Variants in PLCL2 observed in about 807,000 individuals in gnomAD.
The protein encoded by PLCL2 is phospholipase C like 2, also known as inactive phospholipase C-like protein 2.
In PLCL2, 4 loss-of-function variants were observed where a neutral mutation model predicts 79.6. The observed-to-expected ratio is 0.05, with a 90% CI of 0.02 to 0.11. The LOEUF is 0.11. Ranked by LOEUF, PLCL2 falls within the 10% of genes least tolerant of loss-of-function variation. PLCL2 has a pLI of 1.00. For synonymous variants in PLCL2, 484 were observed against 457.7 expected (o/e 1.06, Z -0.73); for missense variants, 895 against 1,291.0 (o/e 0.69, Z 4.70).
intron 5 of PLCL2, among the ~76,000 whole-genome samples, chr3:17,073,498 G>T (rs1278915803): frequency 6.6e-6 from 1 of 152,170 alleles, no homozygotes; most frequent in Non-Finnish European, 1.5e-5. Flanking sequence ...GTTGCTGAAG[G>T]CTGGGGTGGC....
rs771458168 is a variant in PLCL2 at position 17,014,871 on chromosome 3, T to C, written c.2978T>C (p.Val993Ala). Residue 993 changes from valine (V) to alanine (A), a missense_variant, in exon 3 of 6, where the codon GTG becomes GCG. This residue lies in a region of PLCL2 where 298 missense variants were observed against 459.6 expected (regional missense o/e 0.65). Transcript: ENST00000615277. The stretch of plus-strand genomic sequence containing the variant: ...CCCACAATGGAGCTGCAGGGAATTG[T>C]GCCGGAGGTTCTGAAGAAGATCGTA... ...QYPTMELQGI[V>A]PEVLKKIVTT... 3 of 1,614,160 alleles carry C rather than the reference T, an allele frequency of 1.9e-6. No individual in the cohort carries two copies. In the South Asian group the frequency reaches 3.3e-5, roughly 18 times the overall value.
chr3:16,960,505 C>G (rs574201445), intron 1 of PLCL2, among the ~76,000 whole-genome samples: 1 of 152,194 alleles, frequency 6.6e-6, no homozygotes, highest in Non-Finnish European at 1.5e-5. Flanking sequence ...TTTGTCCCTC[C>G]CTCTGTCTCC....
intron 1 of PLCL2, among the ~76,000 whole-genome samples, chr3:16,975,375 T>C (rs2063914933): frequency 6.6e-6 from 1 of 152,210 alleles, no homozygotes; most frequent in Non-Finnish European, 1.5e-5. Flanking sequence ...AGGCCATTGC[T>C]CTTTTAGTTA....
At chr3:16,967,057 T>A (rs1036163506) in intron 1 of PLCL2, among the ~76,000 whole-genome samples, 1 of 152,160 alleles carries the variant, frequency 6.6e-6, no homozygotes, top group Non-Finnish European at 1.5e-5. Flanking sequence ...CTTAGGATAA[T>A]GGCCTCTGGC....
intron 1 of PLCL2, among the ~76,000 whole-genome samples, chr3:16,968,114 A>G (rs368478705): frequency 6.6e-6 from 1 of 151,822 alleles, no homozygotes; most frequent in East Asian, 1.9e-4. Context: ...CATTCCATTG[A>G]TCCATGTGTC....
intron 5 of PLCL2, among the ~76,000 whole-genome samples, chr3:17,071,877 A>T (rs2065063574): frequency 6.6e-6 from 1 of 151,096 alleles, no homozygotes; most frequent in Admixed American, 6.6e-5. Flanking sequence ...CCCAGGCTGG[A>T]GTCCAGTGGC....
intron 1 of PLCL2, among the ~76,000 whole-genome samples, chr3:16,894,347 G>A (rs893627018): frequency 6.6e-6 from 1 of 152,108 alleles, no homozygotes; most frequent in African/African-American, 2.4e-5. Flanking sequence ...TTCATCTGTG[G>A]AGTATTTGAT....
intron 5 of PLCL2, among the ~76,000 whole-genome samples, chr3:17,075,577 G>C (rs1282375401): frequency 1.3e-5 from 2 of 149,662 alleles, no homozygotes; most frequent in African/African-American, 4.9e-5. Context: ...CAGTATCTGT[G>C]AAGTGTGATA....
intron 1 of PLCL2, among the ~76,000 whole-genome samples, chr3:16,994,479 G>A (rs965303898): frequency 6.6e-5 from 10 of 152,136 alleles, no homozygotes; most frequent in Admixed American, 5.2e-4. Context: ...TTCAGCAGAT[G>A]TTTGTGTTAG....
Position 16,885,058 on chromosome 3 carries a change from G to C in PLCL2, c.19G>C (p.Gly7Arg), listed in dbSNP as rs1360967808. Residue 7 changes from glycine (G) to arginine (R), a missense_variant, in exon 1 of 6, where the codon GGG becomes CGG. By Grantham distance (125) the Gly-to-Arg change is moderately radical. Transcript: ENST00000615277. ...GGCGCCCATGGCGGAGTGCGGCCGGGGGGGCGCCGCCGGCGGGGCCCTGCC... is the reference window on the plus strand; with the variant it reads ...GGCGCCCATGGCGGAGTGCGGCCGGCGGGGCGCCGCCGGCGGGGCCCTGCC... MAECGR[G>R]GAAGGALPTS... 6 of 372,362 alleles carry C rather than the reference G, an allele frequency of 1.6e-5. No homozygotes were observed. The highest frequency in any genetic ancestry group is 1.2e-4 in the East Asian group (3 of 25,756). The allele number at this position is 372,362 out of a possible 1,614,324, so 23.1% of individuals were successfully genotyped here.
chr3:17,035,479 C>A (rs7649318), intron 3 of PLCL2, among the ~76,000 whole-genome samples: 20,525 of 152,056 alleles, frequency 0.13, 1,641 homozygotes, highest in African/African-American at 0.22. Context: ...TTGGAGTCCT[C>A]CTCCATGTAA....
intron 4 of PLCL2, among the ~76,000 whole-genome samples, chr3:17,054,349 C>T (rs141672878): frequency 0.013 from 2,043 of 152,242 alleles, 52 homozygotes; most frequent in African/African-American, 0.047. Context: ...TTGGTCACAA[C>T]AATTTAACAA....
At chr3:17,007,751 C>T (rs1437028411) in intron 1 of PLCL2, among the ~76,000 whole-genome samples, 1 of 152,198 alleles carries the variant, frequency 6.6e-6, no homozygotes, top group Non-Finnish European at 1.5e-5. Context: ...CAGATATTTT[C>T]TATCCAGAGC....
chr3:16,945,978 G>A (rs2063596518), intron 1 of PLCL2, among the ~76,000 whole-genome samples: 1 of 151,964 alleles, frequency 6.6e-6, no homozygotes, highest in African/African-American at 2.4e-5. Context: ...CCATCACATC[G>A]GATCCCTTTG....
In PLCL2 at chr3:17,010,234, C is replaced by T. The variant is rs1391655305; in HGVS notation, c.888C>T (p.Ile296=). The T allele has an allele frequency of 6.2e-7, 1 of 1,613,730 alleles. No individual in the cohort carries two copies. The highest frequency in any genetic ancestry group is 8.5e-7 in the Non-Finnish European group (1 of 1,179,776). Residue 296 remains isoleucine, a synonymous_variant, in exon 2 of 6, where the codon ATC becomes ATT. Coordinates refer to ENST00000615277, the MANE Select transcript of PLCL2 (RefSeq NM_001144382.2). This position sits in a 1 kb window ranked among gnomAD's most constrained non-coding sequence, Gnocchi z 5.8. ...CTCTGTGTAATGCTGTGCAATGTAT[C>T]AGAAACCTCAATCCTGGTTTAAAAA... ...HITLCNAVQC[I]RNLNPGLKTS...
At chr3:17,051,573 T>G (rs2064839328) in intron 4 of PLCL2, among the ~76,000 whole-genome samples, 1 of 152,134 alleles carries the variant, frequency 6.6e-6, no homozygotes, top group African/African-American at 2.4e-5. Context: ...GAATTGTTAG[T>G]AAGGAAGAGA....
At chr3:17,043,026 T>C in intron 4 of PLCL2, 77 bp downstream of exon 4, 2 of 899,626 alleles carry the variant, frequency 2.2e-6, no homozygotes, top group Non-Finnish European at 3.7e-6. Flanking sequence ...ATTTCATTTT[T>C]TGGATGCTAT....
At chr3:17,035,990 G>A (rs927655107) in intron 3 of PLCL2, among the ~76,000 whole-genome samples, 3 of 152,108 alleles carry the variant, frequency 2.0e-5, no homozygotes, top group Non-Finnish European at 2.9e-5. Context: ...TATAATTTGC[G>A]TAGTGGAAGA....
Position 17,012,128 on chromosome 3 carries a change from C to G in PLCL2, c.2782C>G (p.Arg928Gly), listed in dbSNP as rs1218269184. Residue 928 changes from arginine (R) to glycine (G), a missense_variant, in exon 2 of 6, where the codon CGG (arginine) becomes GGG (glycine). By Grantham distance (125) the Arg-to-Gly change is moderately radical. Around this residue, in one of 6 missense-constraint regions of PLCL2, gnomAD observed 298 missense variants for 459.6 expected, o/e 0.65. Transcript: ENST00000615277. ...EVFKNAQPPIRDATDLRENMQ... is the reference protein window; with the variant it reads ...EVFKNAQPPIGDATDLRENMQ... The stretch of plus-strand genomic sequence containing the variant: ...ATTCAAGAATGCCCAGCCCCCTATA[C>G]GGGATGCCACAGATCTGAGAGAAAA... 6.2e-7 allele frequency: 1 copy of G among 1,613,236 alleles called. No individual in the cohort carries two copies. Among genetic ancestry groups the G allele is most frequent in the African/African-American group, 1.3e-5 (1 of 74,920 alleles).
Sources: allele counts gnomAD v4.1 joint callset (sites outside exome capture counted in the v4.1 genomes callset), GRCh38; gene constraint gnomAD v4.1.1; regional missense constraint gnomAD v4.1.1; non-coding constraint Gnocchi (gnomAD v3.1); transcripts MANE v1.5; gene names NCBI Gene and HGNC (gene_info 2026-07-23, HGNC 2026-07-21).